ATP8A1: variants seen among roughly 807,000 people sequenced by gnomAD.
The protein encoded by ATP8A1 is phospholipid-transporting ATPase IA.
ATP8A1 carries 90 observed loss-of-function variants against 177.7 expected under a neutral mutation model. That is an observed-to-expected ratio of 0.51 (90% CI 0.43 to 0.60). The LOEUF (loss-of-function observed/expected upper bound fraction) is 0.60. Among genes scored for constraint, ATP8A1 ranks in the 20% least tolerant of loss-of-function variants. The probability of loss-of-function intolerance (pLI) is 0.00; values close to 1 mark genes in which losing one functional copy is unlikely to be tolerated. For synonymous variants in ATP8A1, 493 were observed against 485.9 expected (o/e 1.01, Z -0.19); for missense variants, 1,072 against 1,392.8 (o/e 0.77, Z 3.67).
At chr4:42,560,929 T>A (rs1325513739) in intron 15 of ATP8A1, among the ~76,000 whole-genome samples, 1 of 152,126 alleles carries the variant, frequency 6.6e-6, no homozygotes, top group Non-Finnish European at 1.5e-5. Context: ...AAGTTTTAAG[T>A]GGAAAATTCA....
At position 42,410,238 on chromosome 4, in the gene ATP8A1, T is replaced by G. The variant is rs1712433590; in HGVS notation, c.*2678A>C. On this transcript the variant is annotated 3_prime_UTR_variant, in exon 37 of 37. Coordinates refer to ENST00000381668, the MANE Select transcript of ATP8A1 (RefSeq NM_006095.2). ...CATGCTCAATACCACTGTATACTAT[T>G]CAACATTAAAGAAGCAACTTCCAGC... 1 of 152,164 alleles carries G rather than the reference T, an allele frequency of 6.6e-6. No individual in the cohort carries two copies. The allele number at this position is 152,164 out of a possible 1,614,324, so 9.4% of individuals were successfully genotyped here.
At position 42,422,834 on chromosome 4, in the gene ATP8A1, T is replaced by A. The variant is rs1714140938; in HGVS notation, c.3278A>T (p.Asp1093Val). ...EVQELEAKSQ[D>V]PGAVVLGKSL... ...TTTTCCAAGTACAACTGCTCCTGGG[T>A]CTTGAGATTTTGCCTCCAGCTCCTG... is the stretch of plus-strand genomic sequence containing the variant. The change falls in exon 35 of 37, where the codon GAC (aspartate) becomes GTC (valine). Residue 1093 changes from aspartate (D) to valine (V), a missense_variant. Physicochemically the swap from Asp to Val is radical, Grantham distance 152. Coordinates refer to ENST00000381668, the MANE Select transcript of ATP8A1 (RefSeq NM_006095.2). The A allele has an allele frequency of 1.2e-6, 2 of 1,612,870 alleles. No homozygotes were observed. The highest frequency in any genetic ancestry group is 1.7e-6 in the Non-Finnish European group (2 of 1,179,762).
At chr4:42,445,840 G>C (rs1291745748) in intron 31 of ATP8A1, among the ~76,000 whole-genome samples, 1 of 152,122 alleles carries the variant, frequency 6.6e-6, no homozygotes, top group Admixed American at 6.5e-5. Context: ...AGCACTTTGG[G>C]AGGCTGAGGT....
chr4:42,602,833 T>C (rs965629722), intron 5 of ATP8A1, among the ~76,000 whole-genome samples: 3 of 151,972 alleles, frequency 2.0e-5, no homozygotes, highest in African/African-American at 7.2e-5. Flanking sequence ...CCCCTTTAAT[T>C]ATGTAACCCA....
intron 14 of ATP8A1, among the ~76,000 whole-genome samples, chr4:42,572,099 T>C (rs1488671766): frequency 6.6e-6 from 1 of 152,188 alleles, no homozygotes; most frequent in Non-Finnish European, 1.5e-5. Flanking sequence ...CAAAATCAGC[T>C]CTGCACTTGT....
intron 31 of ATP8A1, among the ~76,000 whole-genome samples, chr4:42,445,518 C>G (rs751452030): frequency 5.9e-5 from 9 of 151,854 alleles, no homozygotes; most frequent in Non-Finnish European, 1.0e-4. Context: ...TCAAGGAAAC[C>G]CTAGGCACCT....
chr4:42,438,837 T>A (rs1022896722), intron 33 of ATP8A1, among the ~76,000 whole-genome samples: 1 of 152,212 alleles, frequency 6.6e-6, no homozygotes, highest in Non-Finnish European at 1.5e-5. Flanking sequence ...TCACTGGCTA[T>A]TTCTTTGCTT....
intron 1 of ATP8A1, among the ~76,000 whole-genome samples, chr4:42,656,448 A>G (rs1391356193): frequency 2.0e-5 from 3 of 150,444 alleles, no homozygotes; most frequent in African/African-American, 7.4e-5. Flanking sequence ...GAGCTCAGAT[A>G]GGGGGTTGCA....
chr4:42,581,802 GT>G, intron 9 of ATP8A1, 70 bp from the exon 10 acceptor site: 1 of 1,068,898 alleles, frequency 9.4e-7, no homozygotes, highest in Non-Finnish European at 1.4e-6. Context: ...TTACCATATA[GT>G]TACAAAAGTA....
chr4:42,429,867 C>G (rs1483695911), intron 33 of ATP8A1, among the ~76,000 whole-genome samples: 3 of 152,148 alleles, frequency 2.0e-5, no homozygotes, highest in African/African-American at 7.2e-5. Context: ...ATAAAACAAA[C>G]CAGACATAAA....
intron 25 of ATP8A1, among the ~76,000 whole-genome samples, chr4:42,484,266 T>C (rs1721983260): frequency 6.6e-6 from 1 of 152,214 alleles, no homozygotes; most frequent in African/African-American, 2.4e-5. Context: ...AAGAGCCGGA[T>C]GACTAATATT....
chr4:42,552,407 A>T, intron 17 of ATP8A1, 98 bp downstream of exon 17: 1 of 1,004,862 alleles, frequency 1.0e-6, no homozygotes, highest in Non-Finnish European at 1.5e-6. Flanking sequence ...TTTTTATCTA[A>T]AAAACACTCA....
In ATP8A1 at chr4:42,590,944, A is replaced by C. The variant is rs552657694; in HGVS notation, c.451-60T>G. The stretch of plus-strand genomic sequence containing the variant: ...AAAAAAAAAAATGAACAGAGGAAAA[A>C]AAACAAACAAATGGACAAAAGAGAC... On this transcript the variant is annotated intron_variant, in intron 6 of 36. Transcript: ENST00000381668. 8.4e-6 allele frequency: 12 copies of C among 1,420,794 alleles called. No individual in the cohort carries two copies. In the South Asian group the frequency reaches 1.5e-4, roughly 17 times the overall value. 88.0% of individuals were successfully genotyped at this position (1,420,794 alleles called of 1,614,324 possible).
intron 5 of ATP8A1, among the ~76,000 whole-genome samples, chr4:42,613,625 C>A (rs1341582910): frequency 6.6e-6 from 1 of 151,838 alleles, no homozygotes; most frequent in African/African-American, 2.4e-5. Flanking sequence ...TCTCTGTCAC[C>A]CAGGCTGGAG....
chr4:42,572,709 T>C (rs1481218962), intron 14 of ATP8A1, among the ~76,000 whole-genome samples: 2 of 152,184 alleles, frequency 1.3e-5, no homozygotes, highest in Non-Finnish European at 2.9e-5. Flanking sequence ...CAGTTAAAAT[T>C]TGCAAACAAA....
intron 25 of ATP8A1, among the ~76,000 whole-genome samples, chr4:42,473,449 T>G (rs1720687426): frequency 6.6e-6 from 1 of 152,098 alleles, no homozygotes; most frequent in African/African-American, 2.4e-5. Context: ...TGCTCTCAAC[T>G]GGGAAGCACT....
intron 24 of ATP8A1, among the ~76,000 whole-genome samples, chr4:42,486,137 C>T (rs548900227): frequency 3.3e-4 from 50 of 152,258 alleles, no homozygotes; most frequent in South Asian, 2.7e-3. Context: ...TATAACCTGA[C>T]GCGTTCACCC....
chr4:42,441,636 C>T (rs1380417793), intron 33 of ATP8A1, among the ~76,000 whole-genome samples: 1 of 152,104 alleles, frequency 6.6e-6, no homozygotes, highest in African/African-American at 2.4e-5. Flanking sequence ...TATTGTGAGG[C>T]TCATTTACAC....
intron 24 of ATP8A1, among the ~76,000 whole-genome samples, chr4:42,501,045 A>G (rs997510742): frequency 6.6e-6 from 1 of 152,200 alleles, no homozygotes; most frequent in Non-Finnish European, 1.5e-5. Flanking sequence ...GAAGTTCAAC[A>G]CAAGAAAAAG....
Sources: allele counts gnomAD v4.1 joint callset (sites outside exome capture counted in the v4.1 genomes callset), GRCh38; gene constraint gnomAD v4.1.1; transcripts MANE v1.5; gene names NCBI Gene and HGNC (gene_info 2026-07-23, HGNC 2026-07-21).